The following PRORP variants were observed in gnomAD, a reference collection of about 807,000 sequenced individuals.
The protein encoded by PRORP is protein only RNase P catalytic subunit.
In PRORP, 51 loss-of-function variants were observed where a neutral mutation model predicts 59.4. The observed-to-expected ratio is 0.86, with a 90% confidence interval of 0.69 to 1.08. The LOEUF (loss-of-function observed/expected upper bound fraction) is 1.08, where lower values mean the gene tolerates loss of function less well. PRORP is among the 50% of genes least tolerant of loss of function. PRORP has a pLI of 0.00. For synonymous variants in PRORP, 231 were observed against 245.6 expected (o/e 0.94, Z 0.55); for missense variants, 646 against 690.3 (o/e 0.94, Z 0.72).
rs747964091 is a variant in PRORP, at chr14:35,266,818, G to A, written c.1367G>A (p.Ser456Asn). The A allele has an allele frequency of 1.9e-6, 3 of 1,614,202 alleles. No homozygotes were observed. Among genetic ancestry groups the A allele is most frequent in the Non-Finnish European group, 2.5e-6 (3 of 1,180,036 alleles). The change falls in exon 6 of 8, where the codon AGT (serine) becomes AAT (asparagine). Residue 456 changes from serine to asparagine, a missense_variant. Transcript: ENST00000534898. ...ATGCTAAGACGGAGTTCCCAGTGGA[G>A]TCGGGATGAGATGGAAGAGGTGCAA... ...KHMLRRSSQWSRDEMEEVQKQ... is the reference protein window; with the variant it reads ...KHMLRRSSQWNRDEMEEVQKQ...
chr14:35,150,690 A>T (rs139316700), intron 4 of PRORP, among the ~76,000 whole-genome samples: 1 of 152,218 alleles, frequency 6.6e-6, no homozygotes, highest in Non-Finnish European at 1.5e-5. Flanking sequence ...TTCCTCCTAA[A>T]GCCTAGCTGA....
intron 5 of PRORP, among the ~76,000 whole-genome samples, chr14:35,242,293 G>A (rs900849917): frequency 1.3e-5 from 2 of 152,260 alleles, no homozygotes; most frequent in East Asian, 3.9e-4. Context: ...TGCATATATT[G>A]TGATGACTTT....
At chr14:35,136,363 GGTTTTTTT>G in intron 4 of PRORP, among the ~76,000 whole-genome samples, 1 of 125,374 alleles carries the variant, frequency 8.0e-6, no homozygotes, top group Non-Finnish European at 1.7e-5. Flanking sequence ...TCCGACAACG[GGTTTTTTT>G]GTTTTTTTGG....
intron 4 of PRORP, among the ~76,000 whole-genome samples, chr14:35,156,264 C>T (rs1188467513): frequency 1.3e-5 from 2 of 152,126 alleles, no homozygotes; most frequent in Non-Finnish European, 2.9e-5. Flanking sequence ...ATAAGATCTC[C>T]GGCACATTTC....
chr14:35,249,490 A>G (rs1437507080), intron 5 of PRORP, among the ~76,000 whole-genome samples: 2 of 152,170 alleles, frequency 1.3e-5, no homozygotes, highest in African/African-American at 4.8e-5. Flanking sequence ...TCAGAAGGCT[A>G]AGGTGGGAGG....
chr14:35,273,600 G>A lies in PRORP; in HGVS notation c.*34G>A. The A allele has an allele frequency of 6.2e-6, 10 of 1,600,114 alleles. No individual in the cohort carries two copies. Among genetic ancestry groups the A allele is most frequent in the Non-Finnish European group, 8.5e-6 (10 of 1,173,354 alleles). On this transcript the variant is annotated 3_prime_UTR_variant, in exon 8 of 8. Transcript: ENST00000534898. ...ACCTCTATGCTAAGTTTGTGTTTGGGTACCCTCTAGGTTGGCATCAGAGGC... is the reference window on the plus strand; with the variant it reads ...ACCTCTATGCTAAGTTTGTGTTTGGATACCCTCTAGGTTGGCATCAGAGGC...
intron 3 of PRORP, 74 bp from the exon 4 acceptor site, chr14:35,127,405 C>A: frequency 1.8e-6 from 2 of 1,094,998 alleles, no homozygotes; most frequent in South Asian, 4.1e-5. Context: ...CCTCATTGTT[C>A]ATTTCACAAA....
At position 35,164,634 on chromosome 14, in the gene PRORP, A is replaced by G. The variant is rs575435134; in HGVS notation, c.1168-16036A>G. Among the ~76,000 whole-genome samples, 131 of 152,296 alleles carry G rather than the reference A, an allele frequency of 8.6e-4. 1 individual carries two copies. The highest frequency in any genetic ancestry group is 3.1e-3 in the African/African-American group (129 of 41,572). On this transcript the variant is annotated intron_variant, in intron 4 of 7. Transcript: ENST00000534898. ...GGAACAACAGACACTGCAGACTGCTAGAGGGGGTGGGGTATGGGTTGAAAA... is the reference window on the plus strand; with the variant it reads ...GGAACAACAGACACTGCAGACTGCTGGAGGGGGTGGGGTATGGGTTGAAAA...
chr14:35,130,253 T>C (rs923282345), intron 4 of PRORP, among the ~76,000 whole-genome samples: 2 of 151,910 alleles, frequency 1.3e-5, no homozygotes, highest in East Asian at 3.9e-4. Context: ...AGGATGGTCT[T>C]GATCTCCTGA....
At chr14:35,207,714 C>A (rs2049329609) in intron 5 of PRORP, among the ~76,000 whole-genome samples, 1 of 152,166 alleles carries the variant, frequency 6.6e-6, no homozygotes. Context: ...ATTCATTAAT[C>A]CATGTGGGTT....
chr14:35,153,303 T>A (rs1252380481), intron 4 of PRORP, among the ~76,000 whole-genome samples: 2 of 152,070 alleles, frequency 1.3e-5, no homozygotes, highest in Non-Finnish European at 2.9e-5. Context: ...GGCAGGAGAA[T>A]CAGGCAGGGA....
chr14:35,165,547 TATG>T (rs2048162526), intron 4 of PRORP, among the ~76,000 whole-genome samples: 1 of 152,240 alleles, frequency 6.6e-6, no homozygotes, highest in Non-Finnish European at 1.5e-5. Context: ...TATGTAAGTT[TATG>T]ATATTATTTA....
chr14:35,231,524 A>G (rs2050081677), intron 5 of PRORP, among the ~76,000 whole-genome samples: 1 of 152,224 alleles, frequency 6.6e-6, no homozygotes, highest in Non-Finnish European at 1.5e-5. Context: ...GCTATGCCAG[A>G]TAATCCTGGC....
chr14:35,168,841 T>A (rs1179173925), intron 4 of PRORP, among the ~76,000 whole-genome samples: 1 of 152,192 alleles, frequency 6.6e-6, no homozygotes, highest in Non-Finnish European at 1.5e-5. Context: ...ATAATTTTCC[T>A]GTTTTCTTCT....
intron 5 of PRORP, among the ~76,000 whole-genome samples, chr14:35,255,912 A>G (rs1341526910): frequency 4.6e-5 from 7 of 152,188 alleles, no homozygotes; most frequent in African/African-American, 1.7e-4. Flanking sequence ...TCAAAAAACA[A>G]TTGTGACTCA....
In PRORP at chr14:35,141,237, C is replaced by CT. The variant is rs1311588236; in HGVS notation, c.1167+13637dup. The stretch of plus-strand genomic sequence containing the variant: ...TTTCTTATTTTCCTTCCTTCTTTTT[C>CT]TTTTTTTTTTTGTTTTTGTTTGTTT... On this transcript the variant is annotated intron_variant, in intron 4 of 7. Transcript: ENST00000534898. Among the ~76,000 whole-genome samples the CT allele has an allele frequency of 1.6e-3, 205 of 131,924 alleles. 12 individuals are homozygous for CT. The highest frequency in any genetic ancestry group is 7.5e-3 in the Middle Eastern group (2 of 266). The allele number at this position is 131,924 out of a possible 152,430, so 86.5% of individuals were successfully genotyped here.
intron 5 of PRORP, among the ~76,000 whole-genome samples, chr14:35,217,728 C>T (rs1186686794): frequency 6.6e-6 from 1 of 151,868 alleles, no homozygotes; most frequent in African/African-American, 2.4e-5. Flanking sequence ...TATCTTGGTA[C>T]CCTTCTTAAA....
intron 5 of PRORP, among the ~76,000 whole-genome samples, chr14:35,186,681 C>G (rs1308867043): frequency 6.6e-6 from 1 of 151,802 alleles, no homozygotes; most frequent in Non-Finnish European, 1.5e-5. Flanking sequence ...CAGGCTTGAC[C>G]TCCTGGGCTC....
chr14:35,248,729 A>G (rs1316668548), intron 5 of PRORP, among the ~76,000 whole-genome samples: 1 of 152,224 alleles, frequency 6.6e-6, no homozygotes, highest in Non-Finnish European at 1.5e-5. Context: ...TACACAGAAA[A>G]ATGTTGAATA....
Sources: gnomAD v4.1 joint callset for allele counts (sites outside exome capture counted in the v4.1 genomes callset) on GRCh38, gnomAD v4.1.1 for gene constraint, MANE v1.5 for transcripts, NCBI Gene and HGNC (gene_info 2026-07-23, HGNC 2026-07-21) for gene names.